Variants in ENTPD1 observed in about 807,000 individuals in gnomAD.
The protein encoded by ENTPD1 is ATP diphosphohydrolase.
Under a neutral mutation model 57.0 loss-of-function variants are expected in ENTPD1, and 33 were observed. That is an observed-to-expected ratio of 0.58 (90% confidence interval 0.44 to 0.77). The LOEUF (loss-of-function observed/expected upper bound fraction) is 0.77, where lower values mean the gene tolerates loss of function less well. Among genes scored for constraint, ENTPD1 ranks in the 30% least tolerant of loss-of-function variants. ENTPD1 has a pLI of 0.00. For synonymous variants in ENTPD1, 202 were observed against 218.8 expected (o/e 0.92, Z 0.68); for missense variants, 501 against 603.4 (o/e 0.83, Z 1.78).
At position 95,867,914 on chromosome 10, in the gene ENTPD1, T is replaced by C; in HGVS notation, c.*1531T>C. On this transcript the variant is annotated 3_prime_UTR_variant, in exon 10 of 10. Coordinates refer to ENST00000371205, the MANE Select transcript of ENTPD1 (RefSeq NM_001776.6). ...ACTTAATAAAGCTGTGGAAAGGAAC[T>C]CTTAATCTTCTTTTCTGCTACTTAG... The C allele has an allele frequency of 2.0e-6, 2 of 985,454 alleles. No individual in the cohort carries two copies. Among genetic ancestry groups the C allele is most frequent in the Non-Finnish European group, 2.4e-6 (2 of 829,930 alleles). 61.0% of individuals were successfully genotyped at this position (985,454 alleles called of 1,614,324 possible). A position where few individuals can be genotyped will look rare whatever the true frequency, so the allele number is the denominator to read the frequency against.
chr10:95,731,704 G>A (rs2097989244), intron 1 of ENTPD1, among the ~76,000 whole-genome samples: 4 of 151,062 alleles, frequency 2.6e-5, no homozygotes, highest in African/African-American at 7.3e-5. Flanking sequence ...TCAAGACAGA[G>A]CCCCAAATGC....
At chr10:95,848,096 G>A (rs2098438921) in intron 7 of ENTPD1, among the ~76,000 whole-genome samples, 1 of 152,138 alleles carries the variant, frequency 6.6e-6, no homozygotes, top group South Asian at 2.1e-4. Flanking sequence ...TGTGCCCAGG[G>A]GACCTTGTGG....
upstream of ENTPD1, among the ~76,000 whole-genome samples, chr10:95,752,880 CATT>C (rs773533729): frequency 3.9e-5 from 6 of 152,218 alleles, no homozygotes; most frequent in Non-Finnish European, 7.4e-5. Context: ...AGTACATTCA[CATT>C]GTTGTGCTGC....
chr10:95,799,311 A>G (rs905015528), intron 1 of ENTPD1, among the ~76,000 whole-genome samples: 11 of 151,946 alleles, frequency 7.2e-5, no homozygotes, highest in Admixed American at 4.6e-4. Flanking sequence ...CCACCCTCCA[A>G]TAGGCCCTAG....
intron 1 of ENTPD1, among the ~76,000 whole-genome samples, chr10:95,747,155 G>A (rs2098006889): frequency 6.6e-6 from 1 of 152,064 alleles, no homozygotes; most frequent in Non-Finnish European, 1.5e-5. Flanking sequence ...CATATCTATG[G>A]CATCTCAATT....
chr10:95,753,199 A>T (rs1343010025), upstream of ENTPD1: 1 of 152,066 alleles, frequency 6.6e-6, no homozygotes, highest in Non-Finnish European at 1.5e-5. Flanking sequence ...ATTGATGATA[A>T]TTTTTTGTTG....
chr10:95,746,963 T>C (rs2098006716), intron 1 of ENTPD1, among the ~76,000 whole-genome samples: 1 of 152,216 alleles, frequency 6.6e-6, no homozygotes, highest in South Asian at 2.1e-4. Context: ...GTTTGTTGAA[T>C]ATGCATTCAC....
At chr10:95,751,972 A>G (rs1490551806), upstream of ENTPD1, among the ~76,000 whole-genome samples, 1 of 152,194 alleles carries the variant, frequency 6.6e-6, no homozygotes, top group Admixed American at 6.5e-5. Flanking sequence ...GGGAATACCA[A>G]CATTTACAAG....
chr10:95,747,905 T>A (rs1336284975), intron 1 of ENTPD1, among the ~76,000 whole-genome samples: 1 of 151,942 alleles, frequency 6.6e-6, no homozygotes, highest in Non-Finnish European at 1.5e-5. Context: ...GGAGTCTCGC[T>A]CTGTCGCCCA....
At chr10:95,787,504 G>C (rs1012790229) in intron 1 of ENTPD1, among the ~76,000 whole-genome samples, 1 of 152,194 alleles carries the variant, frequency 6.6e-6, no homozygotes, top group Non-Finnish European at 1.5e-5. Flanking sequence ...TGGCAGCTCT[G>C]TAGAGGGCTT....
intron 1 of ENTPD1, among the ~76,000 whole-genome samples, chr10:95,821,220 G>A (rs1349026281): frequency 6.6e-6 from 1 of 152,138 alleles, no homozygotes; most frequent in East Asian, 1.9e-4. Flanking sequence ...TCCCATACCA[G>A]TTTTATCCAG....
intron 7 of ENTPD1, among the ~76,000 whole-genome samples, chr10:95,850,243 C>T (rs2098442582): frequency 6.6e-6 from 1 of 152,202 alleles, no homozygotes; most frequent in South Asian, 2.1e-4. Context: ...TTGCCTGCCT[C>T]TATGTAGGAT....
At chr10:95,856,671 T>TATATATATATATATATATATATATAC (rs571622251) in intron 7 of ENTPD1, among the ~76,000 whole-genome samples, 4 of 146,784 alleles carry the variant, frequency 2.7e-5, no homozygotes, top group Admixed American at 6.8e-5. Flanking sequence ...TATATATATA[T>TATATATATATATATATATATATATAC]ACACACACAT....
chr10:95,739,848 A>T (rs2097998494), intron 1 of ENTPD1, among the ~76,000 whole-genome samples: 1 of 152,242 alleles, frequency 6.6e-6, no homozygotes, highest in Non-Finnish European at 1.5e-5. Context: ...TGTATTTCTT[A>T]AGTAATAAGA....
intron 1 of ENTPD1, among the ~76,000 whole-genome samples, chr10:95,763,682 G>A (rs1285760196): frequency 6.6e-6 from 1 of 151,378 alleles, no homozygotes; most frequent in East Asian, 1.9e-4. Context: ...TTCCAGAACT[G>A]TAAGAGAATA....
chr10:95,715,039 C>T (rs982969127), intron 1 of ENTPD1, among the ~76,000 whole-genome samples: 1 of 152,158 alleles, frequency 6.6e-6, no homozygotes, highest in African/African-American at 2.4e-5. Flanking sequence ...AATCTGGAAA[C>T]ATTATAGTTT....
chr10:95,876,649 G>C lies in ENTPD1; in HGVS notation c.*10266G>C. 4 of 1,228,110 alleles carry C rather than the reference G, an allele frequency of 3.3e-6. No individual in the cohort carries two copies. The highest frequency in any genetic ancestry group is 4.1e-6 in the Non-Finnish European group (4 of 986,146). The allele number at this position is 1,228,110 out of a possible 1,614,324, so 76.1% of individuals were successfully genotyped here. On this transcript the variant is annotated 3_prime_UTR_variant, in exon 10 of 10. Coordinates refer to ENST00000371205, the MANE Select transcript of ENTPD1 (RefSeq NM_001776.6). ...TGAAGGATGTATTTGGCTGTCTTCT[G>C]GACAGGCCATTCTAATAACAGAAAC...
At chr10:95,755,671 A>C, upstream of ENTPD1, 7 of 1,536,962 alleles carry the variant, frequency 4.6e-6, no homozygotes, top group Non-Finnish European at 6.1e-6. Context: ...CTTTGCTCTA[A>C]TGAGCCTTGA....
intron 1 of ENTPD1, among the ~76,000 whole-genome samples, chr10:95,725,400 G>C (rs1224669372): frequency 2.6e-5 from 4 of 151,870 alleles, no homozygotes; most frequent in Non-Finnish European, 5.9e-5. Context: ...ATAGTTCTTT[G>C]CATATCTAGT....
Sources: gnomAD v4.1 joint callset for allele counts (sites outside exome capture counted in the v4.1 genomes callset) on GRCh38, gnomAD v4.1.1 for gene constraint, MANE v1.5 for transcripts, NCBI Gene and HGNC (gene_info 2026-07-23, HGNC 2026-07-21) for gene names.